FIGN: variants seen among roughly 807,000 people sequenced by gnomAD.
FIGN encodes fidgetin, microtubule severing factor, also known as fidgetin.
In FIGN, 11 loss-of-function variants were observed where a neutral mutation model predicts 51.3. The observed-to-expected ratio is 0.21, with a 90% CI of 0.13 to 0.35. FIGN has a LOEUF of 0.35. Ranked by LOEUF, FIGN falls within the 10% of genes least tolerant of loss-of-function variation. The pLI is 1.00. For missense variants in FIGN, 857 were observed against 943.6 expected, an observed-to-expected ratio of 0.91 and a Z score of 1.20; for synonymous variants, 407 against 363.2, an observed-to-expected ratio of 1.12 and a Z score of -1.37.
chr2:163,709,230 C>G (rs933769541), intron 2 of FIGN, among the ~76,000 whole-genome samples: 2 of 152,088 alleles, frequency 1.3e-5, no homozygotes, highest in Non-Finnish European at 2.9e-5. Flanking sequence ...CTTGGGCAAT[C>G]CAGACACTCT....
At chr2:163,694,760 T>C (rs988988645) in intron 2 of FIGN, among the ~76,000 whole-genome samples, 18 of 152,136 alleles carry the variant, frequency 1.2e-4, no homozygotes, top group Non-Finnish European at 1.9e-4. Context: ...GGTTAGATAC[T>C]CCCCCAATCC....
intron 2 of FIGN, among the ~76,000 whole-genome samples, chr2:163,672,512 T>C (rs2105334028): frequency 6.6e-6 from 1 of 152,294 alleles, no homozygotes; most frequent in East Asian, 1.9e-4. Flanking sequence ...TGAAGGGCTT[T>C]AGTACAGTGC....
At chr2:163,635,985 T>A (rs539086307) in intron 2 of FIGN, among the ~76,000 whole-genome samples, 1 of 152,334 alleles carries the variant, frequency 6.6e-6, no homozygotes, top group Non-Finnish European at 1.5e-5. Flanking sequence ...TTATTTTTGT[T>A]TCACCATTTT....
At chr2:163,713,448 C>CCA (rs145575229) in intron 2 of FIGN, among the ~76,000 whole-genome samples, 3,887 of 148,400 alleles carry the variant, frequency 0.026, 93 homozygotes, top group African/African-American at 0.059. Flanking sequence ...CTTTCACACA[C>CCA]CACACACACA....
intron 2 of FIGN, among the ~76,000 whole-genome samples, chr2:163,660,466 T>C (rs1683635334): frequency 6.6e-6 from 1 of 151,798 alleles, no homozygotes; most frequent in Admixed American, 6.6e-5. Flanking sequence ...GCTGACAACA[T>C]ATCAATTAAT....
At chr2:163,717,015 G>A (rs1184792878) in intron 2 of FIGN, among the ~76,000 whole-genome samples, 9 of 152,076 alleles carry the variant, frequency 5.9e-5, no homozygotes, top group African/African-American at 2.2e-4. Context: ...TGCACCACTT[G>A]CCTTCTCCAA....
intron 2 of FIGN, among the ~76,000 whole-genome samples, chr2:163,686,988 T>C (rs1684161365): frequency 6.6e-6 from 1 of 151,922 alleles, no homozygotes; most frequent in African/African-American, 2.4e-5. Context: ...ACATTTTATA[T>C]TATGATGTAT....
intron 2 of FIGN, among the ~76,000 whole-genome samples, chr2:163,652,361 A>AACACACACACACACACAC (rs60276598): frequency 7.2e-5 from 10 of 139,364 alleles, no homozygotes; most frequent in South Asian, 4.7e-4. Flanking sequence ...CACACACACA[A>AACACACACACACACACAC]ACACACACAC....
At chr2:163,667,331 A>C (rs546946281) in intron 2 of FIGN, among the ~76,000 whole-genome samples, 1 of 121,550 alleles carries the variant, frequency 8.2e-6, no homozygotes. Flanking sequence ...TTTCCATACT[A>C]TCCCCACAAA....
rs1691245199 is a variant in FIGN at position 163,611,112 on chromosome 2, A to T, written c.720T>A (p.Ser240=). ...ACGGATAGCTGTAACTGGAGAGGTT[A>T]GAAGTCCCATTGTAGCCTGGGACCA... The part of the protein sequence containing the change: ...PALVPGYNGT[S]NLSSYSYPSA... The change falls in exon 3 of 3, where the codon TCT becomes TCA. Residue 240 remains serine (S), a synonymous_variant. Transcript: ENST00000333129. The T allele has an allele frequency of 6.2e-7, 1 of 1,614,164 alleles. No homozygotes were observed. Among genetic ancestry groups the T allele is most frequent in the South Asian group, 1.1e-5 (1 of 91,082 alleles).
rs1016470728 is a variant in FIGN at position 163,607,263 on chromosome 2, T to C, written c.*2289A>G. 1 of 152,210 alleles carries C rather than the reference T, an allele frequency of 6.6e-6. No homozygotes were observed. The highest frequency in any genetic ancestry group is 6.5e-5 in the Admixed American group (1 of 15,276). The allele number at this position is 152,210 out of a possible 1,614,324, so 9.4% of individuals were successfully genotyped here. ...ATTTCCTTACAAGGGATGCACAGGG[T>C]AGACCCAGAACACGATTGTAGCATT... is the stretch of plus-strand genomic sequence containing the variant. On this transcript the variant is annotated 3_prime_UTR_variant, in exon 3 of 3. Coordinates refer to ENST00000333129, the MANE Select transcript of FIGN (RefSeq NM_018086.4).
Position 163,609,229 on chromosome 2 carries a change from A to T in FIGN, c.*323T>A. ...TTGACAGCAACTAAATCTCGAGAAC[A>T]GCAGAATGGAATCAACACACGAGGT... On this transcript the variant is annotated 3_prime_UTR_variant, in exon 3 of 3. Transcript: ENST00000333129. 3.7e-6 allele frequency: 1 copy of T among 269,082 alleles called. No homozygotes were observed. Among genetic ancestry groups the T allele is most frequent in the Admixed American group, 4.7e-5 (1 of 21,146 alleles). The allele number at this position is 269,082 out of a possible 1,614,324, so 16.7% of individuals were successfully genotyped here. A position where few individuals can be genotyped will look rare whatever the true frequency, so the allele number is the denominator to read the frequency against.
chr2:163,731,462 G>A (rs1166311592), intron 2 of FIGN, among the ~76,000 whole-genome samples: 2 of 151,920 alleles, frequency 1.3e-5, no homozygotes, highest in Non-Finnish European at 2.9e-5. Context: ...CTGCACTCTT[G>A]TATATCTATC....
intron 2 of FIGN, among the ~76,000 whole-genome samples, chr2:163,628,001 C>T (rs374553867): frequency 2.0e-5 from 3 of 152,156 alleles, no homozygotes; most frequent in Non-Finnish European, 2.9e-5. Context: ...AAACACTGCC[C>T]TCGACTCTCT....
intron 2 of FIGN, among the ~76,000 whole-genome samples, chr2:163,687,012 TACACACACACAC>T (rs547589971): frequency 6.8e-6 from 1 of 147,694 alleles, no homozygotes; most frequent in Admixed American, 6.8e-5. Flanking sequence ...TGAGATTGTG[TACACACACACAC>T]ACACACACAC....
chr2:163,650,911 A>G (rs1481358290), intron 2 of FIGN, among the ~76,000 whole-genome samples: 3 of 152,202 alleles, frequency 2.0e-5, no homozygotes, highest in Non-Finnish European at 2.9e-5. Flanking sequence ...AAGTTGCTGT[A>G]TAGTTACTGA....
At chr2:163,659,356 C>T (rs1203083583) in intron 2 of FIGN, among the ~76,000 whole-genome samples, 1 of 151,834 alleles carries the variant, frequency 6.6e-6, no homozygotes, top group Non-Finnish European at 1.5e-5. Flanking sequence ...CTCTCAACTG[C>T]CAACCTAAAC....
At chr2:163,634,243 TA>T (rs1381957926) in intron 2 of FIGN, among the ~76,000 whole-genome samples, 1 of 152,150 alleles carries the variant, frequency 6.6e-6, no homozygotes, top group Non-Finnish European at 1.5e-5. Context: ...TATCTATTAT[TA>T]TATAGCTATG....
rs1691080018 is a variant in FIGN at position 163,605,117 on chromosome 2, CAG to C, written c.*4433_*4434del. Reference sequence around the variant, plus strand: ...GCCGACATTCTACATATCACTGAGACAGGGAGGTGAAATTTTCCTGCTTCCAG... The same window carrying C: ...GCCGACATTCTACATATCACTGAGACGGAGGTGAAATTTTCCTGCTTCCAG... On this transcript the variant is annotated 3_prime_UTR_variant, in exon 3 of 3. Transcript: ENST00000333129. The C allele has an allele frequency of 1.3e-5, 2 of 151,746 alleles. No homozygotes were observed. Among genetic ancestry groups the C allele is most frequent in the Admixed American group, 6.6e-5 (1 of 15,192 alleles). 9.4% of individuals were successfully genotyped at this position (151,746 alleles called of 1,614,324 possible). A position where few individuals can be genotyped will look rare whatever the true frequency, so the allele number is the denominator to read the frequency against.
Sources: allele counts gnomAD v4.1 joint callset (sites outside exome capture counted in the v4.1 genomes callset), GRCh38; gene constraint gnomAD v4.1.1; transcripts MANE v1.5; gene names NCBI Gene and HGNC (gene_info 2026-07-23, HGNC 2026-07-21).